The following ACTL8 variants were observed in gnomAD, a reference collection of about 807,000 sequenced individuals.
ACTL8 encodes the protein actin-like protein 8.
In ACTL8, 3 loss-of-function variants were observed where a neutral mutation model predicts 9.3. That is an observed-to-expected ratio of 0.32 (90% confidence interval 0.15 to 0.83). ACTL8 has a LOEUF of 0.83. ACTL8 is among the 40% of genes least tolerant of loss of function. ACTL8 has a pLI of 0.57. For synonymous variants in ACTL8, 224 were observed against 205.9 expected, an observed-to-expected ratio of 1.09 and a Z score of -0.75; for missense variants, 381 against 492.2, an observed-to-expected ratio of 0.77 and a Z score of 2.14.
chr1:17,757,513 T>TA (rs2065976113), intron 1 of ACTL8, among the ~76,000 whole-genome samples: 1 of 104,680 alleles, frequency 9.6e-6, no homozygotes, highest in East Asian at 3.5e-4. Flanking sequence ...CAAGTGGAAA[T>TA]ACCTTTCCCT....
intron 1 of ACTL8, among the ~76,000 whole-genome samples, chr1:17,764,073 GA>G (rs761952408): frequency 2.6e-5 from 4 of 152,054 alleles, no homozygotes; most frequent in Non-Finnish European, 5.9e-5. Context: ...CAGGGCTCGG[GA>G]AACCCCGGTG....
intron 1 of ACTL8, among the ~76,000 whole-genome samples, chr1:17,815,823 A>G (rs2066422901): frequency 6.6e-6 from 1 of 152,136 alleles, no homozygotes; most frequent in South Asian, 2.1e-4. Context: ...ATTGCCCCAC[A>G]GGTCTCTGAA....
chr1:17,786,167 G>T (rs1359784431), intron 1 of ACTL8, among the ~76,000 whole-genome samples: 1 of 152,220 alleles, frequency 6.6e-6, no homozygotes, highest in Non-Finnish European at 1.5e-5. Flanking sequence ...GGTGGACAGG[G>T]TGTCTCTCTC....
At position 17,782,704 on chromosome 1, in the gene ACTL8, G is replaced by A. The variant is rs138054204; in HGVS notation, c.-25+27200G>A. On this transcript the variant is annotated intron_variant, in intron 1 of 2. Coordinates refer to ENST00000375406, the MANE Select transcript of ACTL8 (RefSeq NM_030812.3). ...GCTTCTGAACAAATTGTTTTGCATCGTTTCCTTCTTGGTAAACAATTCTGT... is the reference window on the plus strand; with the variant it reads ...GCTTCTGAACAAATTGTTTTGCATCATTTCCTTCTTGGTAAACAATTCTGT... Among the ~76,000 whole-genome samples the A allele has an allele frequency of 5.7e-3, 864 of 152,246 alleles. 2 individuals are homozygous for A. Among genetic ancestry groups the A allele is most frequent in the African/African-American group, 7.5e-3 (312 of 41,536 alleles).
rs183918728 is a variant in ACTL8 at position 17,774,272 on chromosome 1, G to A, written c.-25+18768G>A. Reference sequence around the variant, plus strand: ...TTCCCTCATTTTGCTAATGAGGAAAGCTCTTCCACCAGCTGAACAGCTAGG... The same window carrying A: ...TTCCCTCATTTTGCTAATGAGGAAAACTCTTCCACCAGCTGAACAGCTAGG... On this transcript the variant is annotated intron_variant, in intron 1 of 2. Transcript: ENST00000375406. Among the ~76,000 whole-genome samples the A allele has an allele frequency of 5.3e-5, 8 of 152,262 alleles. No homozygotes were observed. The South Asian group carries it at 8.3e-4, about 16-fold the overall frequency.
In ACTL8 at chr1:17,815,922, G is replaced by A. The variant is rs186623283; in HGVS notation, c.-24-7063G>A. Among the ~76,000 whole-genome samples the A allele has an allele frequency of 4.6e-4, 70 of 151,884 alleles. No homozygotes were observed. The South Asian group carries it at 7.7e-3, about 17-fold the overall frequency. On this transcript the variant is annotated intron_variant, in intron 1 of 2. Transcript: ENST00000375406. Reference sequence around the variant, plus strand: ...AAATCCCCTTACTCATTCCTCTGTCGTCTCTATTCTATGGAGCAGAACTTT... The same window carrying A: ...AAATCCCCTTACTCATTCCTCTGTCATCTCTATTCTATGGAGCAGAACTTT...
chr1:17,763,129 G>A (rs2066019314), intron 1 of ACTL8, among the ~76,000 whole-genome samples: 1 of 152,134 alleles, frequency 6.6e-6, no homozygotes, highest in African/African-American at 2.4e-5. Context: ...CCTGGCCTGC[G>A]GGTCCCCAGA....
At chr1:17,755,822 G>A (rs183568394) in intron 1 of ACTL8, among the ~76,000 whole-genome samples, 2 of 151,348 alleles carry the variant, frequency 1.3e-5, no homozygotes, top group South Asian at 2.1e-4. Context: ...TGGGGGCACC[G>A]CCTGGAGGGG....
At chr1:17,817,861 T>G (rs2066438368) in intron 1 of ACTL8, among the ~76,000 whole-genome samples, 1 of 152,050 alleles carries the variant, frequency 6.6e-6, no homozygotes, top group East Asian at 1.9e-4. Flanking sequence ...CCACCACTCC[T>G]AGCTAATTTT....
chr1:17,793,695 C>T (rs562006110), intron 1 of ACTL8, among the ~76,000 whole-genome samples: 48 of 152,238 alleles, frequency 3.2e-4, no homozygotes, highest in Middle Eastern at 3.4e-3. Flanking sequence ...TGGCCACCTA[C>T]CCTGGTCTGG....
chr1:17,771,961 T>C lies in ACTL8; in HGVS notation c.-25+16457T>C, dbSNP rs576177040. Among the ~76,000 whole-genome samples, 5 of 152,292 alleles carry C rather than the reference T, an allele frequency of 3.3e-5. No homozygotes were observed. In the East Asian group the frequency reaches 9.7e-4, roughly 29 times the overall value. ...TGCCTTCTCAAATAATCCAGTGACA[T>C]GCACAGGCCACATTCTCCCCATTTG... On this transcript the variant is annotated intron_variant, in intron 1 of 2. Transcript: ENST00000375406.
chr1:17,788,305 T>G (rs1201213695), intron 1 of ACTL8, among the ~76,000 whole-genome samples: 1 of 152,218 alleles, frequency 6.6e-6, no homozygotes, highest in African/African-American at 2.4e-5. Flanking sequence ...TTAAGAAGCC[T>G]CCTTTCCACC....
At chr1:17,792,088 G>A (rs2102688247) in intron 1 of ACTL8, among the ~76,000 whole-genome samples, 1 of 152,294 alleles carries the variant, frequency 6.6e-6, no homozygotes, top group South Asian at 2.1e-4. Context: ...TCAAAGAAGA[G>A]GAGCCCCTCT....
intron 1 of ACTL8, among the ~76,000 whole-genome samples, chr1:17,786,741 C>T (rs1459771560): frequency 2.0e-5 from 3 of 152,054 alleles, no homozygotes; most frequent in Admixed American, 6.6e-5. Context: ...ACTCTGTTGC[C>T]CAGGCTGGAG....
At chr1:17,781,023 G>A (rs948992372) in intron 1 of ACTL8, among the ~76,000 whole-genome samples, 2 of 152,048 alleles carry the variant, frequency 1.3e-5, no homozygotes, top group South Asian at 4.2e-4. Flanking sequence ...GTCTGAGATC[G>A]GTCAGCAGAC....
In ACTL8 at chr1:17,826,316, G is replaced by T; in HGVS notation, c.898G>T (p.Gly300Cys). 1 of 1,613,274 alleles carries T rather than the reference G, an allele frequency of 6.2e-7. No individual in the cohort carries two copies. Among genetic ancestry groups the T allele is most frequent in the Non-Finnish European group, 8.5e-7 (1 of 1,179,464 alleles). ...GGTCTCCCACGTGATGGCCTGCGGG[G>T]GCAACACCCTCTATCCCGGGTTCAC... is the stretch of plus-strand genomic sequence containing the variant. ...LLVSHVMACGGNTLYPGFTKR... is the reference protein window; with the variant it reads ...LLVSHVMACGCNTLYPGFTKR... The change falls in exon 3 of 3, where the codon GGC becomes TGC. Residue 300 changes from glycine to cysteine, a missense_variant. Physicochemically the swap from Gly to Cys is radical, Grantham distance 159 (BLOSUM62 -3). This residue lies in a region of ACTL8 where 243 missense variants were observed against 276.2 expected (regional missense o/e 0.88). Transcript: ENST00000375406. The surrounding 1 kb of genome is among the most constrained non-coding windows in gnomAD (Gnocchi z 4.5).
chr1:17,770,787 T>C (rs980378547), intron 1 of ACTL8, among the ~76,000 whole-genome samples: 1 of 152,034 alleles, frequency 6.6e-6, no homozygotes, highest in East Asian at 1.9e-4. Context: ...ATGGACTGTA[T>C]AGTCAGGAAA....
chr1:17,774,179 G>C (rs552191798), intron 1 of ACTL8, among the ~76,000 whole-genome samples: 1 of 152,318 alleles, frequency 6.6e-6, no homozygotes, highest in South Asian at 2.1e-4. Flanking sequence ...TTTAGCTCCA[G>C]CAGGGGCTTG....
chr1:17,809,128 A>G (rs1204674458), intron 1 of ACTL8, among the ~76,000 whole-genome samples: 1 of 152,216 alleles, frequency 6.6e-6, no homozygotes, highest in Non-Finnish European at 1.5e-5. Flanking sequence ...TAACAAAAAT[A>G]TGCCAGTTAC....
Sources: allele counts gnomAD v4.1 joint callset (sites outside exome capture counted in the v4.1 genomes callset), GRCh38; gene constraint gnomAD v4.1.1; regional missense constraint gnomAD v4.1.1; non-coding constraint Gnocchi (gnomAD v3.1); transcripts MANE v1.5; gene names NCBI Gene and HGNC (gene_info 2026-07-23, HGNC 2026-07-21).